The following FAT4 variants were observed in gnomAD, a reference collection of about 807,000 sequenced individuals.
FAT4 encodes the protein protocadherin Fat 4.
Under a neutral mutation model 303.9 loss-of-function variants are expected in FAT4, and 84 were observed. That is an observed-to-expected ratio of 0.28 (90% CI 0.23 to 0.33). The LOEUF is 0.33. Ranked by LOEUF, FAT4 falls within the 10% of genes least tolerant of loss-of-function variation. The probability of loss-of-function intolerance (pLI) is 1.00; values close to 1 mark genes in which losing one functional copy is unlikely to be tolerated. For synonymous variants in FAT4, 2,307 were observed against 2,298.8 expected (o/e 1.00, Z -0.10); for missense variants, 6,005 against 6,146.8 (o/e 0.98, Z 0.77).
chr4:125,487,851 G>C (rs1727466552), intron 17 of FAT4, among the ~76,000 whole-genome samples: 1 of 152,118 alleles, frequency 6.6e-6, no homozygotes, highest in African/African-American at 2.4e-5. Flanking sequence ...TTTCTCGAGA[G>C]CTTGCATCTT....
chr4:125,317,077 G>T lies in FAT4; in HGVS notation c.666G>T (p.Val222=), dbSNP rs952233609. 5.0e-6 allele frequency: 8 copies of T among 1,614,034 alleles called. No homozygotes were observed. The highest frequency in any genetic ancestry group is 6.8e-6 in the Non-Finnish European group (8 of 1,180,036). The change falls in exon 2 of 18, where the codon GTG becomes GTT. Residue 222 remains valine (V), a synonymous_variant. Transcript: ENST00000394329. This position sits in a 1 kb window ranked among gnomAD's most constrained non-coding sequence, Gnocchi z 7.0. ...CGCAGTACCAGCTCCTGGTTGAGGT[G>T]GAGGACAAGGGTGAGCCTAAGCGGC... is the stretch of plus-strand genomic sequence containing the variant. ...VTPQYQLLVE[V]EDKGEPKRRG...
intron 7 of FAT4, among the ~76,000 whole-genome samples, chr4:125,431,164 C>T (rs1360619540): frequency 6.6e-6 from 1 of 152,190 alleles, no homozygotes; most frequent in Non-Finnish European, 1.5e-5. Context: ...TATCACCAGA[C>T]ACTTTAGAAT....
At chr4:125,424,656 C>A (rs966051627) in intron 7 of FAT4, among the ~76,000 whole-genome samples, 18 of 152,160 alleles carry the variant, frequency 1.2e-4, no homozygotes, top group African/African-American at 3.1e-4. Context: ...TCCAGATATT[C>A]TTCTAGGTGC....
chr4:125,456,449 A>G (rs924524629), intron 10 of FAT4, among the ~76,000 whole-genome samples: 2 of 152,222 alleles, frequency 1.3e-5, no homozygotes, highest in African/African-American at 2.4e-5. Context: ...TGAATGATTA[A>G]GATGAATCTT....
At chr4:125,385,024 ATTTTT>A (rs70960372) in intron 2 of FAT4, among the ~76,000 whole-genome samples, 4 of 94,430 alleles carry the variant, frequency 4.2e-5, no homozygotes, top group Admixed American at 1.2e-4. Flanking sequence ...ATATATATAT[ATTTTT>A]TTTTTTTTTG....
chr4:125,399,703 A>G (rs941604640), intron 3 of FAT4, among the ~76,000 whole-genome samples: 2 of 151,998 alleles, frequency 1.3e-5, no homozygotes, highest in African/African-American at 4.8e-5. Flanking sequence ...TTAACTGCCA[A>G]TACAGAAAGG....
At position 125,416,638 on chromosome 4, in the gene FAT4, C is replaced by T; in HGVS notation, c.7018+16C>T. The T allele has an allele frequency of 6.2e-7, 1 of 1,610,826 alleles. No homozygotes were observed. The highest frequency in any genetic ancestry group is 1.7e-5 in the Admixed American group (1 of 59,720). ...ACAGATTCAGGTAAGTCCATTACAC[C>T]CTTGTTCATTTGTAGATAATTTCTA... On this transcript the variant is annotated intron_variant, in intron 7 of 17. Transcript: ENST00000394329.
chr4:125,488,381 T>C (rs1229747107), intron 17 of FAT4, among the ~76,000 whole-genome samples: 1 of 151,478 alleles, frequency 6.6e-6, no homozygotes, highest in Non-Finnish European at 1.5e-5. Flanking sequence ...TGCAGTAATA[T>C]TACAGATCAT....
chr4:125,441,814 T>C (rs10025691), intron 8 of FAT4, among the ~76,000 whole-genome samples: 151,295 of 152,320 alleles, frequency 0.99, 75,143 homozygotes, highest in Middle Eastern at 1. Flanking sequence ...AAAAGTTCAG[T>C]ATTACTGGAT....
chr4:125,357,900 C>T lies in FAT4; in HGVS notation c.5175+36314C>T, dbSNP rs146192181. 2.9e-3 allele frequency among the ~76,000 whole-genome samples: 447 copies of T among 152,234 alleles called. 3 individuals are homozygous for T. The highest frequency in any genetic ancestry group is 9.8e-3 in the African/African-American group (406 of 41,548). On this transcript the variant is annotated intron_variant, in intron 2 of 17. Coordinates refer to ENST00000394329, the MANE Select transcript of FAT4 (RefSeq NM_001291303.3). ...GAAGTAACTGGGCCATACATCCCTT[C>T]CCCTTTACATATGAAAGGAAAAGCT...
At chr4:125,325,071 T>C (rs2710537) in intron 2 of FAT4, among the ~76,000 whole-genome samples, 1,596 of 152,194 alleles carry the variant, frequency 0.01, 26 homozygotes, top group African/African-American at 0.036. Context: ...GAATCCATCC[T>C]TACACAGATA....
Position 125,394,126 on chromosome 4 carries a change from C to T in FAT4, c.5176-4658C>T, listed in dbSNP as rs542815164. 112 of 587,206 alleles carry T rather than the reference C, an allele frequency of 1.9e-4. 1 individual carries two copies. In the South Asian group the frequency reaches 2.2e-3, roughly 12 times the overall value. The allele number at this position is 587,206 out of a possible 1,614,324, so 36.4% of individuals were successfully genotyped here. A position where few individuals can be genotyped will look rare whatever the true frequency, so the allele number is the denominator to read the frequency against. ...CAACATTTGGTAGGCATGCAGAAAA[C>T]ATGGAAGTGCCTTATCTTAACGGGA... On this transcript the variant is annotated intron_variant, in intron 2 of 17. Coordinates refer to ENST00000394329, the MANE Select transcript of FAT4 (RefSeq NM_001291303.3).
intron 5 of FAT4, among the ~76,000 whole-genome samples, chr4:125,410,337 T>C (rs1734793671): frequency 6.6e-6 from 1 of 152,092 alleles, no homozygotes; most frequent in Admixed American, 6.6e-5. Context: ...CCAAGTGTTT[T>C]GCATGTACCC....
intron 2 of FAT4, among the ~76,000 whole-genome samples, chr4:125,325,535 A>C (rs2125951017): frequency 6.6e-6 from 1 of 152,340 alleles, no homozygotes; most frequent in Middle Eastern, 3.4e-3. Flanking sequence ...TAAAAATCGT[A>C]TTCCACAAAT....
chr4:125,320,442 C>T lies in FAT4; in HGVS notation c.4031C>T (p.Ser1344Leu). Residue 1344 changes from serine (S) to leucine (L), a missense_variant, in exon 2 of 18, where the codon TCA becomes TTA. Ser to Leu is a moderately radical substitution (Grantham distance 145, BLOSUM62 -2). Transcript: ENST00000394329. ...TCTGTTACTGCAACTGATTCCGATT[C>T]AGGTGACAATGCTGATTTATATTAC... The part of the protein sequence containing the change: ...VSSVTATDSD[S>L]GDNADLYYSI... 3.1e-6 allele frequency: 5 copies of T among 1,613,932 alleles called. No individual in the cohort carries two copies. Among genetic ancestry groups the T allele is most frequent in the Non-Finnish European group, 4.2e-6 (5 of 1,179,798 alleles).
chr4:125,491,494 G>A lies in FAT4; in HGVS notation c.14678G>A (p.Arg4893Gln), dbSNP rs151139631. ...AATTATGGAGCCAGACTGAAGCCTC[G>A]AAGGTACCACGGTCGCAGGGCCGAG... Reference protein sequence around the residue: ...EDNYGARLKPRRYHGRRAEGG... With the variant: ...EDNYGARLKPQRYHGRRAEGG... The change falls in exon 18 of 18, where the codon CGA becomes CAA. Residue 4893 changes from arginine (R) to glutamine (Q), a missense_variant. Arg to Gln is a conservative substitution (Grantham distance 43). Coordinates refer to ENST00000394329, the MANE Select transcript of FAT4 (RefSeq NM_001291303.3). 53 of 1,614,008 alleles carry A rather than the reference G, an allele frequency of 3.3e-5. No individual in the cohort carries two copies. In the East Asian group the frequency reaches 8.0e-4, roughly 24 times the overall value.
rs772109416 is a variant in FAT4 at position 125,415,559 on chromosome 4, A to T, written c.6596A>T (p.Asn2199Ile). The T allele has an allele frequency of 6.2e-7, 1 of 1,613,962 alleles. No individual in the cohort carries two copies. Among genetic ancestry groups the T allele is most frequent in the Non-Finnish European group, 8.5e-7 (1 of 1,179,978 alleles). ...VRYGIVNGNT[N>I]QEFRIDSVTG... ...TATGGCATTGTTAATGGTAATACCA[A>T]TCAGGAATTTCGGATAGACTCTGTC... is the stretch of plus-strand genomic sequence containing the variant. Residue 2199 changes from asparagine (N) to isoleucine (I), a missense_variant, in exon 6 of 18, where the codon AAT becomes ATT. Transcript: ENST00000394329.
intron 3 of FAT4, among the ~76,000 whole-genome samples, chr4:125,399,464 G>A (rs894685289): frequency 1.3e-5 from 2 of 151,908 alleles, no homozygotes; most frequent in Non-Finnish European, 2.9e-5. Flanking sequence ...TGGGTAAGGA[G>A]TTTAACTAAT....
In FAT4 at chr4:125,314,988, A is replaced by G. The variant is rs906175624; in HGVS notation, c.-1002A>G. ...GTGCGGGGATCAATGAGTGTCGAGC[A>G]AAGTTTCTGAGTGCTGCTCCAGCTC... On this transcript the variant is annotated 5_prime_UTR_variant, in exon 1 of 18. Transcript: ENST00000394329. Among the ~76,000 whole-genome samples the G allele has an allele frequency of 6.6e-6, 1 of 152,022 alleles. No individual in the cohort carries two copies. The highest frequency in any genetic ancestry group is 1.5e-5 in the Non-Finnish European group (1 of 68,006).
Sources: gnomAD v4.1 joint callset for allele counts (sites outside exome capture counted in the v4.1 genomes callset) on GRCh38, gnomAD v4.1.1 for gene constraint, Gnocchi (gnomAD v3.1) non-coding constraint, MANE v1.5 for transcripts, NCBI Gene and HGNC (gene_info 2026-07-23, HGNC 2026-07-21) for gene names.